The following TRPC4 variants were observed in gnomAD, a reference collection of about 807,000 sequenced individuals.
TRPC4 encodes short transient receptor potential channel 4.
TRPC4 carries 49 observed loss-of-function variants against 99.4 expected under a neutral mutation model. That is an observed-to-expected ratio of 0.49 (90% CI 0.39 to 0.63). TRPC4 has a LOEUF of 0.63. Among genes scored for constraint, TRPC4 ranks in the 20% least tolerant of loss-of-function variants. The probability of loss-of-function intolerance (pLI) is 0.00; values close to 1 mark genes in which losing one functional copy is unlikely to be tolerated. For missense variants in TRPC4, 898 were observed against 1,152.9 expected (o/e 0.78, Z 3.20); for synonymous variants, 454 against 425.9 (o/e 1.07, Z -0.81).
chr13:37,632,482 C>A lies in TRPC4; in HGVS notation c.*4421G>T, dbSNP rs34278231. ...TGTCACACTTACAAGTGATTAATAG[C>A]CGTATGAGTATAGGAGCTACGTTAC... On this transcript the variant is annotated 3_prime_UTR_variant, in exon 11 of 11. Coordinates refer to ENST00000379705, the MANE Select transcript of TRPC4 (RefSeq NM_016179.4). Among the ~76,000 whole-genome samples the A allele has an allele frequency of 5.3e-5, 8 of 152,098 alleles. No individual in the cohort carries two copies. Among genetic ancestry groups the A allele is most frequent in the African/African-American group, 1.2e-4 (5 of 41,396 alleles).
chr13:37,651,237 G>C, intron 8 of TRPC4, 28 bp downstream of exon 8: 1 of 1,612,016 alleles, frequency 6.2e-7, no homozygotes, highest in Non-Finnish European at 8.5e-7. Flanking sequence ...TTTAAAAAAA[G>C]AGTAATACTA....
intron 6 of TRPC4, among the ~76,000 whole-genome samples, chr13:37,662,081 G>T (rs2138681678): frequency 6.6e-6 from 1 of 152,146 alleles, no homozygotes; most frequent in Non-Finnish European, 1.5e-5. Flanking sequence ...GGCTGTGGTG[G>T]GTAGATCCCT....
chr13:37,672,451 T>G, intron 5 of TRPC4, among the ~76,000 whole-genome samples: 1 of 152,174 alleles, frequency 6.6e-6, no homozygotes, highest in East Asian at 1.9e-4. Flanking sequence ...AAATGCAAAT[T>G]TGGACTTTGT....
intron 8 of TRPC4, among the ~76,000 whole-genome samples, chr13:37,642,745 T>C (rs1473452631): frequency 2.0e-5 from 3 of 151,158 alleles, no homozygotes; most frequent in South Asian, 4.2e-4. Context: ...TCTTTTTTTT[T>C]TTTTTTTTTG....
rs1227242188 is a variant in TRPC4 at position 37,745,540 on chromosome 13, A to G, written c.897+397T>C. Among the ~76,000 whole-genome samples, 21 of 22,744 alleles carry G rather than the reference A, an allele frequency of 9.2e-4. 1 individual carries two copies. Among genetic ancestry groups the G allele is most frequent in the African/African-American group, 1.3e-3 (3 of 2,356 alleles). The allele number at this position is 22,744 out of a possible 152,430, so 14.9% of individuals were successfully genotyped here. A position where few individuals can be genotyped will look rare whatever the true frequency, so the allele number is the denominator to read the frequency against. On this transcript the variant is annotated intron_variant, in intron 3 of 10. Transcript: ENST00000379705. ...TATACGTATATATGTATATATACGT[A>G]TATATATATATATATAATTTCAAAT...
intron 8 of TRPC4, among the ~76,000 whole-genome samples, chr13:37,644,684 C>T (rs553723313): frequency 1.3e-5 from 2 of 151,924 alleles, no homozygotes; most frequent in South Asian, 4.2e-4. Flanking sequence ...TCCTGGCTAA[C>T]ACGGTGAAAC....
intron 1 of TRPC4, among the ~76,000 whole-genome samples, chr13:37,838,557 C>T (rs778801043): frequency 6.6e-6 from 1 of 152,024 alleles, no homozygotes; most frequent in Non-Finnish European, 1.5e-5. Context: ...TAAAATATGT[C>T]ATTTGAATGA....
chr13:37,657,267 C>T (rs767075091), intron 6 of TRPC4, among the ~76,000 whole-genome samples: 49 of 152,114 alleles, frequency 3.2e-4, no homozygotes, highest in East Asian at 9.6e-4. Context: ...GTGCATTCTA[C>T]GAGGAGGTGA....
chr13:37,803,715 T>C (rs1484461459), intron 1 of TRPC4, among the ~76,000 whole-genome samples: 1 of 151,978 alleles, frequency 6.6e-6, no homozygotes, highest in Non-Finnish European at 1.5e-5. Context: ...TGAAGATCCA[T>C]TAATGTGTTG....
intron 1 of TRPC4, among the ~76,000 whole-genome samples, chr13:37,810,361 A>G (rs964232705): frequency 2.6e-5 from 4 of 152,056 alleles, no homozygotes; most frequent in Admixed American, 6.6e-5. Flanking sequence ...TAGAATTGGT[A>G]GATTTTTCAT....
intron 1 of TRPC4, among the ~76,000 whole-genome samples, chr13:37,862,647 A>T (rs564947316): frequency 5.6e-4 from 85 of 151,770 alleles, no homozygotes; most frequent in Middle Eastern, 3.4e-3. Context: ...TCAGGAGAAA[A>T]TAAGGTTGCC....
chr13:37,778,322 G>A (rs1364998463), intron 2 of TRPC4, among the ~76,000 whole-genome samples: 1 of 151,808 alleles, frequency 6.6e-6, no homozygotes, highest in South Asian at 2.1e-4. Context: ...ATAGCAATAG[G>A]ACCTACTTTC....
At chr13:37,792,977 GA>G (rs1013799526) in intron 1 of TRPC4, among the ~76,000 whole-genome samples, 20 of 152,152 alleles carry the variant, frequency 1.3e-4, no homozygotes, top group African/African-American at 4.6e-4. Context: ...CTGTGTGAGG[GA>G]AAAAGCCAGA....
At chr13:37,649,758 AAAC>A (rs774195492) in intron 8 of TRPC4, among the ~76,000 whole-genome samples, 15,364 of 111,178 alleles carry the variant, frequency 0.14, 1,423 homozygotes, top group Middle Eastern at 0.22. Context: ...AAAAAAAAAA[AAAC>A]AACAACAAAG....
chr13:37,739,613 C>T (rs1389024559), intron 3 of TRPC4, among the ~76,000 whole-genome samples: 1 of 150,004 alleles, frequency 6.7e-6, no homozygotes, highest in African/African-American at 2.5e-5. Context: ...TCAAGCAATT[C>T]TCCTGCCTCA....
At chr13:37,740,508 T>TA (rs1319672059) in intron 3 of TRPC4, among the ~76,000 whole-genome samples, 2 of 152,218 alleles carry the variant, frequency 1.3e-5, no homozygotes, top group Non-Finnish European at 2.9e-5. Context: ...AGTAGGGTTC[T>TA]AGGCAGTTTT....
At chr13:37,674,449 T>C in intron 4 of TRPC4, 82 bp from the exon 5 acceptor site, 1 of 1,461,376 alleles carries the variant, frequency 6.8e-7, no homozygotes, top group Non-Finnish European at 9.2e-7. Flanking sequence ...CAATTATAGA[T>C]CTCGAAGCTA....
intron 1 of TRPC4, among the ~76,000 whole-genome samples, chr13:37,828,623 A>T (rs565898047): frequency 6.6e-6 from 1 of 152,382 alleles, no homozygotes; most frequent in South Asian, 2.1e-4. Flanking sequence ...AAAATGTGGT[A>T]CATATTCACC....
At chr13:37,795,667 T>C (rs1957225809) in intron 1 of TRPC4, among the ~76,000 whole-genome samples, 1 of 152,210 alleles carries the variant, frequency 6.6e-6, no homozygotes, top group African/African-American at 2.4e-5. Context: ...TTTATGCTAG[T>C]TTCTGCTCCT....
Sources: allele counts gnomAD v4.1 joint callset (sites outside exome capture counted in the v4.1 genomes callset), GRCh38; gene constraint gnomAD v4.1.1; transcripts MANE v1.5; gene names NCBI Gene and HGNC (gene_info 2026-07-23, HGNC 2026-07-21).